RORA: variants seen among roughly 807,000 people sequenced by gnomAD.
RORA encodes the protein RAR related orphan receptor A.
A neutral mutation model predicts 69.5 loss-of-function variants in RORA; 7 were observed. That is an observed-to-expected ratio of 0.10 (90% CI 0.06 to 0.19). The LOEUF is 0.19. RORA is among the 10% of genes least tolerant of loss of function. The pLI is 1.00. For synonymous variants in RORA, 261 were observed against 240.8 expected, an observed-to-expected ratio of 1.08 and a Z score of -0.78; for missense variants, 457 against 663.0, an observed-to-expected ratio of 0.69 and a Z score of 3.41.
At chr15:60,730,069 G>A (rs1009642842) in intron 1 of RORA, among the ~76,000 whole-genome samples, 6 of 152,154 alleles carry the variant, frequency 3.9e-5, no homozygotes, top group African/African-American at 9.7e-5. Flanking sequence ...AGTAAACAGC[G>A]AATGTTGGGG....
At chr15:61,199,351 C>G (rs969630722) in intron 1 of RORA, among the ~76,000 whole-genome samples, 2 of 152,068 alleles carry the variant, frequency 1.3e-5, no homozygotes, top group Non-Finnish European at 2.9e-5. Context: ...ACGAACGAAT[C>G]CAATTTTTTA....
chr15:60,988,877 G>C (rs1338499733), intron 1 of RORA, among the ~76,000 whole-genome samples: 1 of 150,176 alleles, frequency 6.7e-6, no homozygotes, highest in African/African-American at 2.4e-5. Flanking sequence ...TGATCTCACT[G>C]TCTTTTCTTT....
In RORA at chr15:60,512,427, C is replaced by G. The variant is rs558534847; in HGVS notation, c.425-806G>C. Among the ~76,000 whole-genome samples, 6 of 152,256 alleles carry G rather than the reference C, an allele frequency of 3.9e-5. No individual in the cohort carries two copies. The East Asian group carries it at 7.7e-4, about 20-fold the overall frequency. On this transcript the variant is annotated intron_variant, in intron 4 of 10. Coordinates refer to ENST00000335670, the MANE Select transcript of RORA (RefSeq NM_134261.3). ...TTGGCCTCCTACGTAGCTGGGACCA[C>G]GTGTGTACACCACCACACCCAGCTA...
At chr15:61,153,468 T>C (rs1337003377) in intron 1 of RORA, among the ~76,000 whole-genome samples, 1 of 152,182 alleles carries the variant, frequency 6.6e-6, no homozygotes, top group African/African-American at 2.4e-5. Flanking sequence ...GAGAATTTTC[T>C]TCCTTTCAAC....
At chr15:60,883,406 A>T (rs1038836500) in intron 1 of RORA, among the ~76,000 whole-genome samples, 1 of 152,208 alleles carries the variant, frequency 6.6e-6, no homozygotes, top group Non-Finnish European at 1.5e-5. Context: ...ATTATATTAA[A>T]AAGTGTTTGT....
At chr15:60,702,712 G>A (rs1467362918) in intron 1 of RORA, among the ~76,000 whole-genome samples, 3 of 152,214 alleles carry the variant, frequency 2.0e-5, no homozygotes, top group Non-Finnish European at 4.4e-5. Flanking sequence ...GCAAGTGGTT[G>A]TCACATGGTA....
At chr15:60,555,353 T>C (rs1595966027) in intron 2 of RORA, among the ~76,000 whole-genome samples, 1 of 151,708 alleles carries the variant, frequency 6.6e-6, no homozygotes, top group Non-Finnish European at 1.5e-5. Context: ...GGTGGGGAGG[T>C]AGGAGAGGGA....
At chr15:61,136,570 C>T (rs1316567201) in intron 1 of RORA, among the ~76,000 whole-genome samples, 1 of 152,044 alleles carries the variant, frequency 6.6e-6, no homozygotes, top group Admixed American at 6.5e-5. Context: ...CACATGTTAC[C>T]ACAAGACAGA....
chr15:60,547,038 G>A (rs770704731), intron 2 of RORA, among the ~76,000 whole-genome samples: 10 of 152,288 alleles, frequency 6.6e-5, no homozygotes, highest in African/African-American at 1.9e-4. Flanking sequence ...TAACTGACAC[G>A]TACTGTGGGC....
At chr15:61,179,694 G>A (rs2079664021) in intron 1 of RORA, among the ~76,000 whole-genome samples, 1 of 152,164 alleles carries the variant, frequency 6.6e-6, no homozygotes, top group Non-Finnish European at 1.5e-5. Context: ...GTGGCAAATG[G>A]ACAAACTGAT....
At chr15:60,898,913 G>A (rs1891308967) in intron 1 of RORA, among the ~76,000 whole-genome samples, 1 of 152,200 alleles carries the variant, frequency 6.6e-6, no homozygotes, top group Non-Finnish European at 1.5e-5. Context: ...TGGGGTCAAT[G>A]AATGCATGTT....
At chr15:60,863,799 G>A (rs2073457047) in intron 1 of RORA, among the ~76,000 whole-genome samples, 1 of 116,326 alleles carries the variant, frequency 8.6e-6, no homozygotes, top group Non-Finnish European at 1.8e-5. Context: ...CATGCCAACT[G>A]TCAGAATCTT....
chr15:60,762,650 C>T (rs2071912396), intron 1 of RORA, among the ~76,000 whole-genome samples: 1 of 152,224 alleles, frequency 6.6e-6, no homozygotes, highest in Admixed American at 6.5e-5. Context: ...GGTGAGCCTA[C>T]ACATGATCTA....
In RORA at chr15:61,061,012, G is replaced by A. The variant is rs1027037890; in HGVS notation, c.166+168041C>T. On this transcript the variant is annotated intron_variant, in intron 1 of 10. Coordinates refer to ENST00000335670, the MANE Select transcript of RORA (RefSeq NM_134261.3). This position sits in a 1 kb window ranked among gnomAD's most constrained non-coding sequence, Gnocchi z 4.4. ...AAGCAGGTATCCTCAAAGTCCTCAC[G>A]GCTGAAGAAGGAGCTGCTGTTCTTC... Among the ~76,000 whole-genome samples the A allele has an allele frequency of 2.6e-5, 4 of 152,130 alleles. No individual in the cohort carries two copies. The highest frequency in any genetic ancestry group is 4.4e-5 in the Non-Finnish European group (3 of 68,026).
At chr15:61,025,081 A>G (rs1418870939) in intron 1 of RORA, among the ~76,000 whole-genome samples, 2 of 150,718 alleles carry the variant, frequency 1.3e-5, no homozygotes, top group Non-Finnish European at 2.9e-5. Flanking sequence ...TCACATATCT[A>G]ATGAATCAAA....
chr15:60,960,484 G>A (rs190178379), intron 1 of RORA, among the ~76,000 whole-genome samples: 8 of 152,238 alleles, frequency 5.3e-5, no homozygotes, highest in Middle Eastern at 3.4e-3. Context: ...TCAAAAAATA[G>A]TCTTTGGCCT....
intron 1 of RORA, among the ~76,000 whole-genome samples, chr15:61,087,318 T>C (rs1375440035): frequency 6.6e-6 from 1 of 152,206 alleles, no homozygotes; most frequent in Non-Finnish European, 1.5e-5. Context: ...CTCCAACCAA[T>C]TACCAGATAA....
chr15:61,162,236 T>A (rs953640889), intron 1 of RORA, among the ~76,000 whole-genome samples: 1 of 152,240 alleles, frequency 6.6e-6, no homozygotes, highest in African/African-American at 2.4e-5. Flanking sequence ...GGCATCCATA[T>A]AAAAGTGTCT....
rs78759561 is a variant in RORA at position 60,850,406 on chromosome 15, C to T, written c.167-171720G>A. Among the ~76,000 whole-genome samples, 6 of 152,164 alleles carry T rather than the reference C, an allele frequency of 3.9e-5. No homozygotes were observed. In the East Asian group the frequency reaches 7.7e-4, roughly 20 times the overall value. ...TTAAGATGCTGGTGTGATGTTTAAG[C>T]GGGGGGTCAGATGGTACCCGATTCA... On this transcript the variant is annotated intron_variant, in intron 1 of 10. Coordinates refer to ENST00000335670, the MANE Select transcript of RORA (RefSeq NM_134261.3).
Sources: allele counts gnomAD v4.1 joint callset (sites outside exome capture counted in the v4.1 genomes callset), GRCh38; gene constraint gnomAD v4.1.1; non-coding constraint Gnocchi (gnomAD v3.1); transcripts MANE v1.5; gene names NCBI Gene and HGNC (gene_info 2026-07-23, HGNC 2026-07-21).